Variants in PPARGC1A observed in about 807,000 individuals in gnomAD.
The protein encoded by PPARGC1A is PPARG coactivator 1 alpha.
Under a neutral mutation model 88.7 loss-of-function variants are expected in PPARGC1A, and 25 were observed. The observed-to-expected ratio is 0.28, with a 90% CI of 0.21 to 0.39. The LOEUF (loss-of-function observed/expected upper bound fraction) is 0.39. Among genes scored for constraint, PPARGC1A ranks in the 10% least tolerant of loss-of-function variants. The pLI is 1.00. For missense variants in PPARGC1A, 880 were observed against 968.7 expected (o/e 0.91, Z 1.22); for synonymous variants, 363 against 355.6 (o/e 1.02, Z -0.24).
chr4:23,889,775 C>T lies in PPARGC1A; in HGVS notation c.54+129G>A. The T allele has an allele frequency of 3.6e-6, 4 of 1,109,988 alleles. No individual in the cohort carries two copies. The South Asian group carries it at 7.3e-5, about 20-fold the overall frequency. The allele number at this position is 1,109,988 out of a possible 1,614,324, so 68.8% of individuals were successfully genotyped here. On this transcript the variant is annotated intron_variant, in intron 1 of 12. Transcript: ENST00000264867. ...GAGTTAAGATAAGATTGAGATTCTT[C>T]TAAAAGCTCCTGCCTGGACTACTTT... is the stretch of plus-strand genomic sequence containing the variant.
the PPARGC1A span, among the ~76,000 whole-genome samples, chr4:24,088,068 G>T: frequency 6.6e-6 from 1 of 152,146 alleles, no homozygotes; most frequent in African/African-American, 2.4e-5. Flanking sequence ...ATACTCTGAG[G>T]CCAGGTGTGG....
chr4:24,337,043 A>G, the PPARGC1A span, among the ~76,000 whole-genome samples: 2 of 152,244 alleles, frequency 1.3e-5, no homozygotes, highest in Non-Finnish European at 2.9e-5. Flanking sequence ...AAGGTTATGA[A>G]TGCTTTTAAG....
At chr4:24,107,468 C>T in the PPARGC1A span, among the ~76,000 whole-genome samples, 1 of 152,172 alleles carries the variant, frequency 6.6e-6, no homozygotes, top group African/African-American at 2.4e-5. Flanking sequence ...TTTCTGTCAT[C>T]CCTATTATTT....
chr4:24,057,934 G>A, the PPARGC1A span, among the ~76,000 whole-genome samples: 8 of 152,336 alleles, frequency 5.3e-5, no homozygotes, highest in Admixed American at 1.3e-4. Context: ...CAGGGGGAAC[G>A]CATGTATGCA....
chr4:23,993,756 A>G, the PPARGC1A span, among the ~76,000 whole-genome samples: 4 of 152,150 alleles, frequency 2.6e-5, no homozygotes, highest in South Asian at 2.1e-4. Context: ...TTACTTACCA[A>G]TGAAATCACC....
rs1335453292 is a variant in PPARGC1A at position 23,795,329 on chromosome 4, A to ATATATATATATT, written c.*492_*493insAATATATATATA. On this transcript the variant is annotated 3_prime_UTR_variant, in exon 13 of 13. Coordinates refer to ENST00000264867, the MANE Select transcript of PPARGC1A (RefSeq NM_013261.5). ...TATATATATATATATATATATATATATTTCCTTTTGAATAGAATACGAACA... is the reference window on the plus strand; with the variant it reads ...TATATATATATATATATATATATATATATATATATATTTTTCCTTTTGAATAGAATACGAACA... 3 of 10,530 alleles carry ATATATATATATT rather than the reference A, an allele frequency of 2.8e-4. No individual in the cohort carries two copies. Among genetic ancestry groups the ATATATATATATT allele is most frequent in the Non-Finnish European group, 6.0e-4 (2 of 3,330 alleles). The allele number at this position is 10,530 out of a possible 1,614,324, so 0.7% of individuals were successfully genotyped here.
the PPARGC1A span, among the ~76,000 whole-genome samples, chr4:24,397,308 A>C: frequency 1.4e-3 from 213 of 152,330 alleles, no homozygotes; most frequent in African/African-American, 5.0e-3. Context: ...AGAAGAATAC[A>C]TTAAAAGTCC....
At chr4:24,037,726 G>A in the PPARGC1A span, among the ~76,000 whole-genome samples, 6 of 152,280 alleles carry the variant, frequency 3.9e-5, no homozygotes, top group African/African-American at 1.4e-4. Flanking sequence ...ACTTGTGTAT[G>A]CGTCTTGCCA....
At chr4:23,952,139 C>G in the PPARGC1A span, among the ~76,000 whole-genome samples, 1 of 152,092 alleles carries the variant, frequency 6.6e-6, no homozygotes. Context: ...GAATCTACCA[C>G]TAGAAGAAAC....
At chr4:24,266,961 T>A in the PPARGC1A span, among the ~76,000 whole-genome samples, 1 of 152,132 alleles carries the variant, frequency 6.6e-6, no homozygotes, top group Non-Finnish European at 1.5e-5. Context: ...CCTCAAGTAC[T>A]TTTTTCCCTT....
At chr4:24,351,927 G>A in the PPARGC1A span, among the ~76,000 whole-genome samples, 23 of 152,112 alleles carry the variant, frequency 1.5e-4, no homozygotes, top group African/African-American at 4.1e-4. Flanking sequence ...ATGCTATCCC[G>A]TGTGGCAGTT....
At chr4:23,956,499 C>G in the PPARGC1A span, among the ~76,000 whole-genome samples, 1 of 151,978 alleles carries the variant, frequency 6.6e-6, no homozygotes, top group Non-Finnish European at 1.5e-5. Flanking sequence ...GAGCTTGGAG[C>G]CTTAGAGCCC....
chr4:23,851,383 T>G (rs1022474638), intron 2 of PPARGC1A, among the ~76,000 whole-genome samples: 1 of 152,136 alleles, frequency 6.6e-6, no homozygotes, highest in African/African-American at 2.4e-5. Context: ...GCTGGGACAA[T>G]GCAATGGCTA....
At chr4:24,042,177 C>T in the PPARGC1A span, among the ~76,000 whole-genome samples, 1 of 152,122 alleles carries the variant, frequency 6.6e-6, no homozygotes, top group South Asian at 2.1e-4. Context: ...TACTGTCTAC[C>T]AGCCCCGCTC....
chr4:24,001,636 T>G, the PPARGC1A span, among the ~76,000 whole-genome samples: 1 of 152,064 alleles, frequency 6.6e-6, no homozygotes, highest in African/African-American at 2.4e-5. Flanking sequence ...TATCACTGAT[T>G]TTTTTTTCCT....
At chr4:24,348,741 T>G in the PPARGC1A span, among the ~76,000 whole-genome samples, 1 of 152,206 alleles carries the variant, frequency 6.6e-6, no homozygotes, top group African/African-American at 2.4e-5. Flanking sequence ...TTTCTTGCAT[T>G]GTGCTTCACC....
the PPARGC1A span, among the ~76,000 whole-genome samples, chr4:24,178,609 C>T: frequency 8.5e-5 from 13 of 152,104 alleles, no homozygotes; most frequent in Non-Finnish European, 8.8e-5. Context: ...AGAGACTGTC[C>T]GTTTCTACCT....
chr4:23,804,595 A>G (rs1384519898), intron 10 of PPARGC1A, among the ~76,000 whole-genome samples: 2 of 152,186 alleles, frequency 1.3e-5, no homozygotes, highest in Non-Finnish European at 2.9e-5. Context: ...CTTTTAATGA[A>G]AGACCTAAAT....
the PPARGC1A span, among the ~76,000 whole-genome samples, chr4:24,072,090 T>C: frequency 6.7e-6 from 1 of 149,542 alleles, no homozygotes; most frequent in East Asian, 1.9e-4. Context: ...TTCCTAGTAT[T>C]AGTCCTCTTC....
Sources: allele counts gnomAD v4.1 joint callset (sites outside exome capture counted in the v4.1 genomes callset), GRCh38; gene constraint gnomAD v4.1.1; transcripts MANE v1.5; gene names NCBI Gene and HGNC (gene_info 2026-07-23, HGNC 2026-07-21).